The following OR1J2 variants were observed in gnomAD, a reference collection of about 807,000 sequenced individuals.
The protein encoded by OR1J2 is olfactory receptor family 1 subfamily J member 2.
For missense variants in OR1J2, 304 were observed against 246.1 expected (o/e 1.24, Z -1.57); for synonymous variants, 142 against 99.7 (o/e 1.42, Z -2.52).
chr9:122,551,762 AGCACATTGGGAGATGGTGTTCTAGGAGC>A, the OR1J2 span, among the ~76,000 whole-genome samples: 2 of 152,180 alleles, frequency 1.3e-5, no homozygotes, highest in African/African-American at 4.8e-5. Context: ...GACCTTAACG[AGCACATTGGGAGATGGTGTTCTAGGAGC>A]CTTTATAACC....
chr9:122,516,749 G>C, the OR1J2 span, among the ~76,000 whole-genome samples: 1 of 152,212 alleles, frequency 6.6e-6, no homozygotes, highest in Non-Finnish European at 1.5e-5. Context: ...TAGCATGAGA[G>C]AAACCAGAAG....
At chr9:122,448,330 C>T in the OR1J2 span, among the ~76,000 whole-genome samples, 3 of 152,196 alleles carry the variant, frequency 2.0e-5, no homozygotes, top group Non-Finnish European at 4.4e-5. Flanking sequence ...GCTGCCAGCA[C>T]GTCTTGCCTC....
At chr9:122,494,918 G>A in the OR1J2 span, among the ~76,000 whole-genome samples, 1 of 152,120 alleles carries the variant, frequency 6.6e-6, no homozygotes, top group African/African-American at 2.4e-5. Context: ...GCCTGGAAAA[G>A]ATTGTATCTT....
the OR1J2 span, among the ~76,000 whole-genome samples, chr9:122,472,891 C>T: frequency 1.3e-5 from 2 of 152,110 alleles, no homozygotes; most frequent in African/African-American, 4.8e-5. Flanking sequence ...AACATCAGCT[C>T]CTGAGTGGAT....
the OR1J2 span, among the ~76,000 whole-genome samples, chr9:122,453,060 G>A: frequency 6.0e-5 from 9 of 148,870 alleles, no homozygotes; most frequent in East Asian, 9.8e-4. Context: ...AATGGGTGTG[G>A]CACCTGCCCG....
the OR1J2 span, among the ~76,000 whole-genome samples, chr9:122,542,442 A>T: frequency 6.6e-6 from 1 of 152,208 alleles, no homozygotes; most frequent in Non-Finnish European, 1.5e-5. Context: ...GCATACTCTC[A>T]TCCAAATCAT....
the OR1J2 span, among the ~76,000 whole-genome samples, chr9:122,465,910 A>G: frequency 6.6e-6 from 1 of 152,188 alleles, no homozygotes; most frequent in East Asian, 1.9e-4. Flanking sequence ...TGAAAGTTAA[A>G]TTCACTGATG....
the OR1J2 span, among the ~76,000 whole-genome samples, chr9:122,473,895 G>T: frequency 5.3e-5 from 8 of 152,124 alleles, no homozygotes; most frequent in Non-Finnish European, 1.2e-4. Flanking sequence ...GCATTCATTG[G>T]CTTCTCTTGC....
chr9:122,579,038 TA>T, the OR1J2 span, among the ~76,000 whole-genome samples: 171 of 149,054 alleles, frequency 1.1e-3, no homozygotes, highest in Non-Finnish European at 1.5e-3. Flanking sequence ...CTACTGAAAT[TA>T]AAAAAAAATA....
the OR1J2 span, among the ~76,000 whole-genome samples, chr9:122,516,882 C>T: frequency 1.2e-3 from 180 of 152,280 alleles, 4 homozygotes; most frequent in East Asian, 0.033. Context: ...CCTTTGCCTG[C>T]ATCAGGTCAC....
the OR1J2 span, among the ~76,000 whole-genome samples, chr9:122,562,530 G>A: frequency 1.3e-5 from 2 of 152,146 alleles, no homozygotes; most frequent in Non-Finnish European, 2.9e-5. Context: ...TGGGTAGCAC[G>A]CTCACTCACC....
chr9:122,565,128 C>T, the OR1J2 span, among the ~76,000 whole-genome samples: 391 of 152,292 alleles, frequency 2.6e-3, 4 homozygotes, highest in African/African-American at 8.8e-3. Context: ...GCCCCTCTTA[C>T]ACCCAAGAGA....
the OR1J2 span, among the ~76,000 whole-genome samples, chr9:122,573,670 A>T: frequency 1.3e-5 from 2 of 152,176 alleles, no homozygotes; most frequent in Non-Finnish European, 2.9e-5. Context: ...TTTTGTGCAA[A>T]TATTTTCTCC....
the OR1J2 span, among the ~76,000 whole-genome samples, chr9:122,576,504 G>A: frequency 1.3e-5 from 2 of 151,956 alleles, no homozygotes; most frequent in South Asian, 2.1e-4. Context: ...CAAGGTTCTG[G>A]GATTACAGGC....
the OR1J2 span, among the ~76,000 whole-genome samples, chr9:122,465,092 C>T: frequency 6.6e-6 from 1 of 151,964 alleles, no homozygotes; most frequent in Non-Finnish European, 1.5e-5. Flanking sequence ...GGGCAATTGC[C>T]ACCATTCTAT....
At chr9:122,538,450 G>A in the OR1J2 span, among the ~76,000 whole-genome samples, 1 of 149,826 alleles carries the variant, frequency 6.7e-6, no homozygotes, top group Non-Finnish European at 1.5e-5. Context: ...TTGGTGTATA[G>A]AGATGCAACT....
chr9:122,524,908 T>C, the OR1J2 span, among the ~76,000 whole-genome samples: 1 of 152,292 alleles, frequency 6.6e-6, no homozygotes, highest in African/African-American at 2.4e-5. Context: ...CTGAAAGAGC[T>C]GATCATGAGA....
At chr9:122,510,226 C>T (rs915694276), upstream of OR1J2, among the ~76,000 whole-genome samples, 12 of 152,168 alleles carry the variant, frequency 7.9e-5, no homozygotes, top group Admixed American at 2.0e-4. Flanking sequence ...CTGGTGAAGT[C>T]AGATCTTCTA....
chr9:122,556,888 A>G, the OR1J2 span, among the ~76,000 whole-genome samples: 1 of 151,370 alleles, frequency 6.6e-6, no homozygotes, highest in Admixed American at 6.6e-5. Flanking sequence ...ATGAACATGG[A>G]ATATCTCTTC....
Sources: allele counts gnomAD v4.1 joint callset (sites outside exome capture counted in the v4.1 genomes callset), GRCh38; gene constraint gnomAD v4.1.1; transcripts MANE v1.5; gene names NCBI Gene and HGNC (gene_info 2026-07-23, HGNC 2026-07-21).